Variants in PPP3R1 observed in about 807,000 individuals in gnomAD.
The protein encoded by PPP3R1 is calcineurin subunit B type 1.
PPP3R1 carries 5 observed loss-of-function variants against 22.6 expected under a neutral mutation model. The ratio of observed to expected loss-of-function variants is 0.22; its 90% CI spans 0.12 to 0.46. PPP3R1 has a LOEUF of 0.46. Among genes scored for constraint, PPP3R1 ranks in the 20% least tolerant of loss-of-function variants. The pLI is 0.99. For synonymous variants in PPP3R1, 56 were observed against 65.2 expected (o/e 0.86, Z 0.68); for missense variants, 61 against 203.2 (o/e 0.30, Z 4.25).
intron 5 of PPP3R1, among the ~76,000 whole-genome samples, chr2:68,183,759 G>A (rs949606803): frequency 6.6e-6 from 1 of 152,136 alleles, no homozygotes; most frequent in African/African-American, 2.4e-5. Context: ...TTTGGACCTG[G>A]TTTCATCTTT....
intron 1 of PPP3R1, among the ~76,000 whole-genome samples, chr2:68,232,212 T>TATATA (rs371067076): frequency 0.59 from 54,724 of 92,598 alleles, 14,315 homozygotes; most frequent in African/African-American, 0.74. Flanking sequence ...ATACATATTG[T>TATATA]ATATGTATAT....
intron 1 of PPP3R1, among the ~76,000 whole-genome samples, chr2:68,231,365 CTT>C (rs796567085): frequency 6.7e-6 from 1 of 149,342 alleles, no homozygotes; most frequent in Non-Finnish European, 1.5e-5. Flanking sequence ...AGTTTTCTTT[CTT>C]TTTTTTTTCC....
rs561343723 is a variant in PPP3R1, at chr2:68,199,803, T to G, written c.44-11113A>C. ...TATAAAAATCCCCTTGGTTGTGTTT[T>G]ATCATCCTTTTTACACACCACCGAA... On this transcript the variant is annotated intron_variant, in intron 2 of 5. Coordinates refer to ENST00000234310, the MANE Select transcript of PPP3R1 (RefSeq NM_000945.4). Among the ~76,000 whole-genome samples, 6 of 152,348 alleles carry G rather than the reference T, an allele frequency of 3.9e-5. No individual in the cohort carries two copies. In the South Asian group the frequency reaches 1.2e-3, roughly 32 times the overall value.
chr2:68,244,189 G>A (rs2103812640), intron 1 of PPP3R1, among the ~76,000 whole-genome samples: 1 of 152,284 alleles, frequency 6.6e-6, no homozygotes, highest in African/African-American at 2.4e-5. Context: ...ACAAATCTGA[G>A]TTAATAAAGC....
chr2:68,199,770 A>C (rs62145958), intron 2 of PPP3R1, among the ~76,000 whole-genome samples: 62,751 of 151,960 alleles, frequency 0.41, 13,345 homozygotes, highest in South Asian at 0.62. Flanking sequence ...TTAAAATTGC[A>C]TTACTGGTAT....
intron 5 of PPP3R1, among the ~76,000 whole-genome samples, chr2:68,186,175 A>G (rs2103718712): frequency 6.6e-6 from 1 of 152,340 alleles, no homozygotes; most frequent in South Asian, 2.1e-4. Flanking sequence ...AGAGAAGAGA[A>G]GCTAAGTGGT....
intron 2 of PPP3R1, among the ~76,000 whole-genome samples, chr2:68,201,121 C>T (rs1361534548): frequency 2.0e-5 from 3 of 151,988 alleles, no homozygotes; most frequent in Non-Finnish European, 4.4e-5. Flanking sequence ...ATATTAAGTC[C>T]AATCCCATCC....
At chr2:68,243,809 T>C (rs554158067) in intron 1 of PPP3R1, among the ~76,000 whole-genome samples, 2 of 152,300 alleles carry the variant, frequency 1.3e-5, no homozygotes, top group Admixed American at 6.5e-5. Flanking sequence ...AGTTTACTTA[T>C]AGTTTGTAAT....
At chr2:68,181,820 G>A (rs1674410292) in intron 5 of PPP3R1, among the ~76,000 whole-genome samples, 1 of 152,052 alleles carries the variant, frequency 6.6e-6, no homozygotes, top group Non-Finnish European at 1.5e-5. Flanking sequence ...AGTACCAAGT[G>A]AATAAACATG....
chr2:68,222,316 C>T (rs1308073855), intron 1 of PPP3R1, among the ~76,000 whole-genome samples: 4 of 151,992 alleles, frequency 2.6e-5, no homozygotes, highest in Non-Finnish European at 4.4e-5. Flanking sequence ...AAAAAGGAGA[C>T]GAAATAAAAT....
At chr2:68,184,351 GGTTA>G (rs1162439709) in intron 5 of PPP3R1, among the ~76,000 whole-genome samples, 1 of 152,170 alleles carries the variant, frequency 6.6e-6, no homozygotes, top group Non-Finnish European at 1.5e-5. Flanking sequence ...CATTCTGCTA[GGTTA>G]GTTAACCATT....
rs556264512 is a variant in PPP3R1 at position 68,229,872 on chromosome 2, G to C, written c.4-12741C>G. Among the ~76,000 whole-genome samples the C allele has an allele frequency of 6.6e-5, 10 of 151,864 alleles. 1 individual carries two copies. The South Asian group carries it at 2.1e-3, about 32-fold the overall frequency. On this transcript the variant is annotated intron_variant, in intron 1 of 5. Transcript: ENST00000234310. Reference sequence around the variant, plus strand: ...ATGTTTAATTGGTGTGTGTGTGTGTGTGTATGTATGTGTGTATATATATAT... The same window carrying C: ...ATGTTTAATTGGTGTGTGTGTGTGTCTGTATGTATGTGTGTATATATATAT...
chr2:68,220,176 A>T (rs1669660565), intron 1 of PPP3R1, among the ~76,000 whole-genome samples: 1 of 152,216 alleles, frequency 6.6e-6, no homozygotes, highest in African/African-American at 2.4e-5. Context: ...GCAGCACAGG[A>T]ACAGAGAACA....
intron 5 of PPP3R1, among the ~76,000 whole-genome samples, chr2:68,183,828 T>G (rs1235112141): frequency 6.6e-6 from 1 of 152,182 alleles, no homozygotes; most frequent in African/African-American, 2.4e-5. Context: ...TTTGCTTCTG[T>G]AGAAAGGGCA....
chr2:68,242,865 G>A (rs1670160818), intron 1 of PPP3R1, among the ~76,000 whole-genome samples: 2 of 152,174 alleles, frequency 1.3e-5, no homozygotes, highest in Admixed American at 6.5e-5. Flanking sequence ...TAAGGGCCAA[G>A]GGTAACATCC....
At chr2:68,207,370 G>A (rs1675151172) in intron 2 of PPP3R1, among the ~76,000 whole-genome samples, 2 of 152,118 alleles carry the variant, frequency 1.3e-5, no homozygotes, top group African/African-American at 4.8e-5. Flanking sequence ...TTTAATCAAA[G>A]TATTGATTAA....
intron 1 of PPP3R1, among the ~76,000 whole-genome samples, chr2:68,248,124 T>C (rs929275767): frequency 6.6e-6 from 1 of 152,126 alleles, no homozygotes; most frequent in Non-Finnish European, 1.5e-5. Context: ...ACTAACACTG[T>C]AGTTCTCTGG....
chr2:68,206,225 A>G (rs1253489410), intron 2 of PPP3R1, among the ~76,000 whole-genome samples: 1 of 152,202 alleles, frequency 6.6e-6, no homozygotes, highest in African/African-American at 2.4e-5. Context: ...GAGAGGAAGA[A>G]GCTGAAGACA....
At chr2:68,236,404 A>T (rs1348094724) in intron 1 of PPP3R1, among the ~76,000 whole-genome samples, 2 of 152,192 alleles carry the variant, frequency 1.3e-5, no homozygotes, top group Non-Finnish European at 2.9e-5. Flanking sequence ...TTGCAGAAAG[A>T]GTTTTCCAAC....
Sources: allele counts gnomAD v4.1 joint callset (sites outside exome capture counted in the v4.1 genomes callset), GRCh38; gene constraint gnomAD v4.1.1; transcripts MANE v1.5; gene names NCBI Gene and HGNC (gene_info 2026-07-23, HGNC 2026-07-21).